Variants in SH3RF3 observed in about 807,000 individuals in gnomAD.
SH3RF3 encodes SH3 domain containing ring finger 3.
In SH3RF3, 29 loss-of-function variants were observed where a neutral mutation model predicts 66.3. The ratio of observed to expected loss-of-function variants is 0.44; its 90% CI spans 0.33 to 0.60. The LOEUF (loss-of-function observed/expected upper bound fraction) is 0.60, where lower values mean the gene tolerates loss of function less well. SH3RF3 is among the 20% of genes least tolerant of loss of function. SH3RF3 has a pLI of 0.04. For missense variants in SH3RF3, 1,194 were observed against 1,190.9 expected, an observed-to-expected ratio of 1.00 and a Z score of -0.04; for synonymous variants, 583 against 532.0, an observed-to-expected ratio of 1.10 and a Z score of -1.32.
At chr2:109,198,416 A>G (rs1450550030) in intron 1 of SH3RF3, among the ~76,000 whole-genome samples, 1 of 152,260 alleles carries the variant, frequency 6.6e-6, no homozygotes, top group Non-Finnish European at 1.5e-5. Flanking sequence ...GTAGAGGGGC[A>G]CAGTGGGCTA....
In SH3RF3 at chr2:109,221,674, T is replaced by G. The variant is rs181395555; in HGVS notation, c.573+91561T>G. 5.3e-5 allele frequency among the ~76,000 whole-genome samples: 8 copies of G among 152,268 alleles called. No individual in the cohort carries two copies. The East Asian group carries it at 1.2e-3, about 22-fold the overall frequency. On this transcript the variant is annotated intron_variant, in intron 1 of 9. Transcript: ENST00000309415. ...ACCTGTTGGCCATTTCTGTGTCTTT[T>G]GAGAAATGTCTCTTCCTTTCCTTCC...
intron 4 of SH3RF3, among the ~76,000 whole-genome samples, chr2:109,403,592 A>G (rs1027948501): frequency 3.3e-5 from 5 of 152,238 alleles, no homozygotes; most frequent in Admixed American, 3.3e-4. Flanking sequence ...ACGCAGGAGA[A>G]TGCCAGCAGG....
At chr2:109,390,103 C>T (rs1675943430) in intron 3 of SH3RF3, among the ~76,000 whole-genome samples, 1 of 152,214 alleles carries the variant, frequency 6.6e-6, no homozygotes, top group Non-Finnish European at 1.5e-5. Context: ...ATTTAAGTGT[C>T]TACCGGAGGC....
At chr2:109,142,393 T>C (rs1439374912) in intron 1 of SH3RF3, among the ~76,000 whole-genome samples, 1 of 152,248 alleles carries the variant, frequency 6.6e-6, no homozygotes, top group Non-Finnish European at 1.5e-5. Flanking sequence ...CAAAGCACCC[T>C]GTGGGGTTAG....
At chr2:109,377,256 G>A (rs189805066) in intron 3 of SH3RF3, among the ~76,000 whole-genome samples, 35 of 152,306 alleles carry the variant, frequency 2.3e-4, no homozygotes, top group Non-Finnish European at 4.1e-4. Flanking sequence ...CTGGACCTCC[G>A]TGGGCCAGCG....
chr2:109,463,408 T>C (rs1214336874), intron 8 of SH3RF3, among the ~76,000 whole-genome samples: 1 of 152,210 alleles, frequency 6.6e-6, no homozygotes, highest in Admixed American at 6.5e-5. Context: ...ACTTCCAGGT[T>C]TCCCAGTTCC....
Position 109,449,386 on chromosome 2 carries a change from C to T in SH3RF3, c.2045C>T (p.Ala682Val). 1.2e-6 allele frequency: 2 copies of T among 1,612,014 alleles called. No homozygotes were observed. The highest frequency in any genetic ancestry group is 1.7e-6 in the Non-Finnish European group (2 of 1,178,918). Residue 682 changes from alanine (A) to valine (V), a missense_variant, in exon 8 of 10, where the codon GCC (alanine) becomes GTC (valine). Physicochemically the swap from Ala to Val is moderately conservative, Grantham distance 64 (BLOSUM62 0). Transcript: ENST00000309415. ...GCCATCACACCTCCCAACGTCAGTGCCGCAAACCTCAACGGGGAGGCTGGA... is the reference window on the plus strand; with the variant it reads ...GCCATCACACCTCCCAACGTCAGTGTCGCAAACCTCAACGGGGAGGCTGGA... ...ASAITPPNVS[A>V]ANLNGEAGGG...
At chr2:109,303,088 C>T (rs1490264305) in intron 1 of SH3RF3, among the ~76,000 whole-genome samples, 4 of 152,154 alleles carry the variant, frequency 2.6e-5, no homozygotes, top group Non-Finnish European at 5.9e-5. Flanking sequence ...GCTGGCCAGG[C>T]TGGTCTCCAA....
chr2:109,346,099 G>A (rs143154734), intron 1 of SH3RF3, among the ~76,000 whole-genome samples: 50 of 152,208 alleles, frequency 3.3e-4, no homozygotes, highest in African/African-American at 1.0e-3. Flanking sequence ...CCTTGCCTCC[G>A]CTCTCTAAAA....
intron 9 of SH3RF3, 41 bp downstream of exon 9, chr2:109,490,977 T>C: frequency 7.1e-7 from 1 of 1,413,266 alleles, no homozygotes; most frequent in South Asian, 1.6e-5. Flanking sequence ...ATGCTGTGGT[T>C]TGGCCTCTGA....
intron 1 of SH3RF3, among the ~76,000 whole-genome samples, chr2:109,157,065 C>T (rs1677363527): frequency 1.3e-5 from 2 of 152,198 alleles, no homozygotes; most frequent in African/African-American, 4.8e-5. Context: ...GGGAAGGGCT[C>T]TCCTTGGTAA....
chr2:109,144,654 T>C (rs1677049464), intron 1 of SH3RF3, among the ~76,000 whole-genome samples: 1 of 152,264 alleles, frequency 6.6e-6, no homozygotes, highest in Admixed American at 6.5e-5. Flanking sequence ...ATTTTGGACA[T>C]GACAGGTGTT....
At chr2:109,369,841 C>T (rs906265852) in intron 2 of SH3RF3, among the ~76,000 whole-genome samples, 1 of 152,226 alleles carries the variant, frequency 6.6e-6, no homozygotes, top group East Asian at 1.9e-4. Context: ...TAGACCCCAC[C>T]AGCCTAAAAC....
chr2:109,428,040 G>C (rs1677084405), intron 5 of SH3RF3, among the ~76,000 whole-genome samples: 1 of 152,212 alleles, frequency 6.6e-6, no homozygotes, highest in Non-Finnish European at 1.5e-5. Flanking sequence ...CCAGCCCCCT[G>C]GCCTCCAGTG....
chr2:109,298,085 C>T (rs1461114258), intron 1 of SH3RF3, among the ~76,000 whole-genome samples: 1 of 152,144 alleles, frequency 6.6e-6, no homozygotes, highest in Non-Finnish European at 1.5e-5. Context: ...GGGATCTGTC[C>T]CACTCAAACC....
chr2:109,216,982 C>T (rs1679114647), intron 1 of SH3RF3, among the ~76,000 whole-genome samples: 1 of 152,190 alleles, frequency 6.6e-6, no homozygotes, highest in Non-Finnish European at 1.5e-5. Context: ...ACCCACTCTT[C>T]TACTTTGTTT....
intron 4 of SH3RF3, among the ~76,000 whole-genome samples, chr2:109,415,043 G>T (rs1676685723): frequency 6.6e-6 from 1 of 152,208 alleles, no homozygotes. Flanking sequence ...GAAGGGGATG[G>T]CGTGGTGGAA....
chr2:109,500,597 G>A (rs1679363456), intron 9 of SH3RF3, among the ~76,000 whole-genome samples: 1 of 152,208 alleles, frequency 6.6e-6, no homozygotes, highest in Admixed American at 6.5e-5. Context: ...TGTGGCCTCA[G>A]CCAGTTCCAA....
At chr2:109,302,806 G>A (rs1010482916) in intron 1 of SH3RF3, among the ~76,000 whole-genome samples, 2 of 152,182 alleles carry the variant, frequency 1.3e-5, no homozygotes, top group African/African-American at 4.8e-5. Context: ...GGTTATGCTG[G>A]AGAAAAGTGG....
Sources: gnomAD v4.1 joint callset for allele counts (sites outside exome capture counted in the v4.1 genomes callset) on GRCh38, gnomAD v4.1.1 for gene constraint, MANE v1.5 for transcripts, NCBI Gene and HGNC (gene_info 2026-07-23, HGNC 2026-07-21) for gene names.